The following CAMKMT variants were observed in gnomAD, a reference collection of about 807,000 sequenced individuals.
The protein encoded by CAMKMT is CaM KMT.
Under a neutral mutation model 48.0 loss-of-function variants are expected in CAMKMT, and 53 were observed. The ratio of observed to expected loss-of-function variants is 1.10; its 90% confidence interval spans 0.89 to 1.39. The LOEUF is 1.39. CAMKMT is among the 40% of genes most tolerant of loss of function. The pLI is 0.00. For missense variants in CAMKMT, 428 were observed against 402.7 expected, an observed-to-expected ratio of 1.06 and a Z score of -0.54; for synonymous variants, 165 against 152.3, an observed-to-expected ratio of 1.08 and a Z score of -0.61.
intron 3 of CAMKMT, among the ~76,000 whole-genome samples, chr2:44,667,272 A>G (rs760877079): frequency 2.6e-5 from 4 of 152,064 alleles, no homozygotes; most frequent in African/African-American, 4.8e-5. Flanking sequence ...GACTATGTTG[A>G]CTCATTCCAT....
chr2:44,599,892 C>G (rs1006986790), intron 3 of CAMKMT, among the ~76,000 whole-genome samples: 5 of 151,358 alleles, frequency 3.3e-5, no homozygotes, highest in Middle Eastern at 3.4e-3. Flanking sequence ...GCAATTCATT[C>G]CAATGTGGGA....
At chr2:44,702,549 G>A (rs1677313548) in intron 3 of CAMKMT, among the ~76,000 whole-genome samples, 1 of 152,192 alleles carries the variant, frequency 6.6e-6, no homozygotes, top group Admixed American at 6.5e-5. Flanking sequence ...ATGAGGGATA[G>A]GCAGGTTAAG....
intron 3 of CAMKMT, among the ~76,000 whole-genome samples, chr2:44,545,418 C>T (rs1171337494): frequency 2.0e-5 from 3 of 152,172 alleles, no homozygotes; most frequent in Non-Finnish European, 2.9e-5. Flanking sequence ...CTTTACTAGG[C>T]ATTGAGAACA....
chr2:44,736,031 A>T (rs1005209099), intron 7 of CAMKMT, among the ~76,000 whole-genome samples: 1 of 152,210 alleles, frequency 6.6e-6, no homozygotes, highest in Non-Finnish European at 1.5e-5. Context: ...TCACCCCACA[A>T]TACTTGCTTG....
intron 6 of CAMKMT, among the ~76,000 whole-genome samples, chr2:44,712,035 C>T (rs553766124): frequency 2.0e-5 from 3 of 152,248 alleles, no homozygotes; most frequent in East Asian, 3.9e-4. Flanking sequence ...CTCTCATCCA[C>T]GAACATAACA....
intron 7 of CAMKMT, among the ~76,000 whole-genome samples, chr2:44,719,112 G>A (rs967628439): frequency 6.6e-6 from 1 of 152,114 alleles, no homozygotes; most frequent in African/African-American, 2.4e-5. Context: ...TCTAGCTGCT[G>A]CCTCCTCTTT....
intron 1 of CAMKMT, among the ~76,000 whole-genome samples, chr2:44,365,270 T>C (rs1678470389): frequency 6.6e-6 from 1 of 152,202 alleles, no homozygotes; most frequent in South Asian, 2.1e-4. Context: ...GGCTGTCTCA[T>C]GGCCTTTTAC....
rs1435227340 is a variant in CAMKMT at position 44,402,328 on chromosome 2, A to T, written c.376+12023A>T. ...TGGGTGACACAGCAAGACTCTGTCTAAAAAAAAAAAAAAAAAAAAAGATAG... is the reference window on the plus strand; with the variant it reads ...TGGGTGACACAGCAAGACTCTGTCTTAAAAAAAAAAAAAAAAAAAAGATAG... On this transcript the variant is annotated intron_variant, in intron 3 of 10. Coordinates refer to ENST00000378494, the MANE Select transcript of CAMKMT (RefSeq NM_024766.5). 8.3e-4 allele frequency among the ~76,000 whole-genome samples: 12 copies of T among 14,544 alleles called. No homozygotes were observed. In the South Asian group the frequency reaches 0.017, roughly 21 times the overall value. 9.5% of individuals were successfully genotyped at this position (14,544 alleles called of 152,430 possible). A position where few individuals can be genotyped will look rare whatever the true frequency, so the allele number is the denominator to read the frequency against.
At chr2:44,728,094 A>C (rs1678887156) in intron 7 of CAMKMT, among the ~76,000 whole-genome samples, 1 of 151,540 alleles carries the variant, frequency 6.6e-6, no homozygotes, top group Admixed American at 6.6e-5. Context: ...GGGTATTTTT[A>C]TTTTTATTTT....
At chr2:44,714,883 G>A (rs1213877767) in intron 6 of CAMKMT, among the ~76,000 whole-genome samples, 1 of 152,092 alleles carries the variant, frequency 6.6e-6, no homozygotes, top group Non-Finnish European at 1.5e-5. Context: ...TCCTTTCGCT[G>A]TGCTCATCCC....
intron 3 of CAMKMT, among the ~76,000 whole-genome samples, chr2:44,535,120 T>G (rs535423324): frequency 1.1e-4 from 16 of 152,180 alleles, no homozygotes; most frequent in Non-Finnish European, 2.1e-4. Context: ...TATGAACAAC[T>G]GTATTCGAAC....
intron 3 of CAMKMT, among the ~76,000 whole-genome samples, chr2:44,426,398 G>A (rs1684279174): frequency 6.6e-6 from 1 of 152,124 alleles, no homozygotes; most frequent in Non-Finnish European, 1.5e-5. Context: ...AAGTTAAATT[G>A]TCTCTCTTCA....
intron 3 of CAMKMT, among the ~76,000 whole-genome samples, chr2:44,493,674 G>T (rs977359449): frequency 6.6e-6 from 1 of 152,080 alleles, no homozygotes; most frequent in Non-Finnish European, 1.5e-5. Flanking sequence ...TAAACTTTGA[G>T]AGCTCCTTCT....
chr2:44,417,922 G>A (rs1370282513), intron 3 of CAMKMT, among the ~76,000 whole-genome samples: 1 of 152,186 alleles, frequency 6.6e-6, no homozygotes, highest in Non-Finnish European at 1.5e-5. Context: ...GCCGGGCATT[G>A]TGGCTCATGC....
chr2:44,549,016 C>T (rs559317380), intron 3 of CAMKMT, among the ~76,000 whole-genome samples: 19 of 152,062 alleles, frequency 1.2e-4, no homozygotes, highest in African/African-American at 3.4e-4. Context: ...TGTTATGCAC[C>T]GATAAAAAAC....
intron 9 of CAMKMT, among the ~76,000 whole-genome samples, chr2:44,757,426 T>G (rs1680428626): frequency 6.6e-6 from 1 of 152,230 alleles, no homozygotes; most frequent in African/African-American, 2.4e-5. Flanking sequence ...TGCCACTGAC[T>G]GAATTAATGT....
chr2:44,394,590 G>C (rs900276336), intron 3 of CAMKMT, among the ~76,000 whole-genome samples: 1 of 152,006 alleles, frequency 6.6e-6, no homozygotes, highest in African/African-American at 2.4e-5. Flanking sequence ...ACTATGTCCA[G>C]CTAATTTTTG....
chr2:44,467,602 C>A (rs1302131953), intron 3 of CAMKMT, among the ~76,000 whole-genome samples: 1 of 151,642 alleles, frequency 6.6e-6, no homozygotes, highest in African/African-American at 2.4e-5. Flanking sequence ...CCACCACCAC[C>A]AAAATATACT....
At chr2:44,706,858 A>AT (rs1677593590) in intron 5 of CAMKMT, among the ~76,000 whole-genome samples, 1 of 152,080 alleles carries the variant, frequency 6.6e-6, no homozygotes, top group African/African-American at 2.4e-5. Context: ...AGCACAGTGC[A>AT]TTAGACAAGT....
Sources: gnomAD v4.1 joint callset for allele counts (sites outside exome capture counted in the v4.1 genomes callset) on GRCh38, gnomAD v4.1.1 for gene constraint, MANE v1.5 for transcripts, NCBI Gene and HGNC (gene_info 2026-07-23, HGNC 2026-07-21) for gene names.